CACNA2D2: variants seen among roughly 807,000 people sequenced by gnomAD.
The protein encoded by CACNA2D2 is voltage-dependent calcium channel subunit alpha-2/delta-2.
In CACNA2D2, 48 loss-of-function variants were observed where a neutral mutation model predicts 166.4. The ratio of observed to expected loss-of-function variants is 0.29; its 90% CI spans 0.23 to 0.37. CACNA2D2 has a LOEUF of 0.37. Among genes scored for constraint, CACNA2D2 ranks in the 10% least tolerant of loss-of-function variants. CACNA2D2 has a pLI of 1.00. For missense variants in CACNA2D2, 1,122 were observed against 1,433.0 expected (o/e 0.78, Z 3.50); for synonymous variants, 561 against 573.7 (o/e 0.98, Z 0.32).
chr3:50,403,080 G>C (rs958629933), intron 3 of CACNA2D2, among the ~76,000 whole-genome samples: 2 of 152,170 alleles, frequency 1.3e-5, no homozygotes, highest in African/African-American at 2.4e-5. Context: ...CAAGTTCCTA[G>C]GGCTTGGCAA....
chr3:50,441,216 TAGG>T (rs1472394278), intron 2 of CACNA2D2, among the ~76,000 whole-genome samples: 1 of 152,018 alleles, frequency 6.6e-6, no homozygotes, highest in Admixed American at 6.5e-5. Context: ...AGGCAACTTC[TAGG>T]AGCTTTCACC....
chr3:50,470,247 G>T (rs977585900), intron 2 of CACNA2D2, among the ~76,000 whole-genome samples: 1 of 152,242 alleles, frequency 6.6e-6, no homozygotes, highest in Non-Finnish European at 1.5e-5. Context: ...ATTCCAGGGG[G>T]CAGGAAGAGA....
At chr3:50,381,619 A>T (rs1362483975) in intron 6 of CACNA2D2, among the ~76,000 whole-genome samples, 1 of 150,616 alleles carries the variant, frequency 6.6e-6, no homozygotes, top group Non-Finnish European at 1.5e-5. Context: ...CTCCATGATT[A>T]ATCAACTGGG....
In CACNA2D2 at chr3:50,475,774, C is replaced by T. The variant is rs371690493; in HGVS notation, c.288+344G>A. 5.3e-5 allele frequency among the ~76,000 whole-genome samples: 8 copies of T among 152,284 alleles called. No individual in the cohort carries two copies. In the East Asian group the frequency reaches 1.4e-3, roughly 26 times the overall value. On this transcript the variant is annotated intron_variant, in intron 2 of 37. Transcript: ENST00000424201. ...CCTGGATCCCTTCAGCTCCTGTGCA[C>T]CCCTGCGTCCACTGACCCCTCCTGG...
At chr3:50,417,602 T>C (rs1254346740) in intron 3 of CACNA2D2, among the ~76,000 whole-genome samples, 4 of 152,100 alleles carry the variant, frequency 2.6e-5, no homozygotes, top group Non-Finnish European at 5.9e-5. Flanking sequence ...GGTGGGTAGG[T>C]GGGGCGCAGG....
At position 50,364,734 on chromosome 3, in the gene CACNA2D2, G is replaced by C. The variant is rs1457876510; in HGVS notation, c.3364C>G (p.Leu1122Val). Residue 1122 changes from leucine to valine, a missense_variant, in exon 38 of 38, where the codon CTG (leucine) becomes GTG (valine). Transcript: ENST00000424201. ...CGGGGCGGCAGGCCCAGGAGGAGCA[G>C]CAGTTGCAGGGAGACCAGGACGCCC... ...SLGVLVSLQL[L>V]LLLGLPPRPQ... 1 of 1,559,254 alleles carries C rather than the reference G, an allele frequency of 6.4e-7. No homozygotes were observed. The highest frequency in any genetic ancestry group is 1.4e-5 in the African/African-American group (1 of 73,180).
chr3:50,366,922 T>G lies in CACNA2D2; in HGVS notation c.2501-3A>C. 1 of 1,613,658 alleles carries G rather than the reference T, an allele frequency of 6.2e-7. No individual in the cohort carries two copies. The highest frequency in any genetic ancestry group is 8.5e-7 in the Non-Finnish European group (1 of 1,179,968). On this transcript the variant is annotated splice_region_variant and splice_polypyrimidine_tract_variant and intron_variant, in intron 28 of 37. Transcript: ENST00000424201. This position sits in a 1 kb window ranked among gnomAD's most constrained non-coding sequence, Gnocchi z 5.9. ...TAGGTCCAGCTTGACGCCCACCACT[T>G]TGGGGGAGAGCAAGGGACCATCAGT...
intron 4 of CACNA2D2, among the ~76,000 whole-genome samples, chr3:50,393,445 C>T (rs1431605482): frequency 2.0e-5 from 3 of 152,266 alleles, no homozygotes; most frequent in Non-Finnish European, 4.4e-5. Flanking sequence ...GGCCGGTATC[C>T]AGCCCCAGGC....
At chr3:50,417,098 G>C (rs1707301125) in intron 3 of CACNA2D2, among the ~76,000 whole-genome samples, 1 of 152,156 alleles carries the variant, frequency 6.6e-6, no homozygotes, top group African/African-American at 2.4e-5. Context: ...GCCCACATGA[G>C]AGCCTGTGAG....
chr3:50,366,221 G>A lies in CACNA2D2; in HGVS notation c.2709+46C>T. 1.2e-6 allele frequency: 2 copies of A among 1,613,966 alleles called. No homozygotes were observed. The highest frequency in any genetic ancestry group is 1.7e-6 in the Non-Finnish European group (2 of 1,179,890). On this transcript the variant is annotated intron_variant, in intron 31 of 37. Coordinates refer to ENST00000424201, the MANE Select transcript of CACNA2D2 (RefSeq NM_006030.4). The surrounding 1 kb of genome is among the most constrained non-coding windows in gnomAD (Gnocchi z 5.9). ...GGCTGGCAGTGCTACACCCCTAGAAGGCTCAAATCCCTACTCTCTTCTTTC... is the reference window on the plus strand; with the variant it reads ...GGCTGGCAGTGCTACACCCCTAGAAAGCTCAAATCCCTACTCTCTTCTTTC...
rs587608445 is a variant in CACNA2D2 at position 50,380,530 on chromosome 3, T to G, written c.842+218A>C. ...TCCCTTCCAATCTCTCAGTCCTGAG[T>G]GGGTGGGGGTGCTGGGCAGTGGACG... On this transcript the variant is annotated intron_variant, in intron 8 of 37. Coordinates refer to ENST00000424201, the MANE Select transcript of CACNA2D2 (RefSeq NM_006030.4). The surrounding 1 kb of genome is among the most constrained non-coding windows in gnomAD (Gnocchi z 4.9). Among the ~76,000 whole-genome samples the G allele has an allele frequency of 6.6e-6, 1 of 150,864 alleles. No homozygotes were observed. Among genetic ancestry groups the G allele is most frequent in the East Asian group, 2.0e-4 (1 of 5,128 alleles).
chr3:50,363,424 T>C lies in CACNA2D2; in HGVS notation c.*1242A>G. ...CAGGCTGGGATGCCTTTGGGGGAAA[T>C]GACCAGAATGAATGGTGTGAAGAGC... On this transcript the variant is annotated 3_prime_UTR_variant, in exon 38 of 38. Coordinates refer to ENST00000424201, the MANE Select transcript of CACNA2D2 (RefSeq NM_006030.4). The C allele has an allele frequency of 2.5e-6, 1 of 396,568 alleles. No homozygotes were observed. Among genetic ancestry groups the C allele is most frequent in the Non-Finnish European group, 4.4e-6 (1 of 225,412 alleles). The allele number at this position is 396,568 out of a possible 1,614,324, so 24.6% of individuals were successfully genotyped here.
intron 3 of CACNA2D2, among the ~76,000 whole-genome samples, chr3:50,403,011 G>C (rs1037885551): frequency 6.6e-6 from 1 of 152,160 alleles, no homozygotes; most frequent in Admixed American, 6.5e-5. Context: ...GGGCACGGGG[G>C]TGGTCGTTGA....
intron 3 of CACNA2D2, among the ~76,000 whole-genome samples, chr3:50,429,158 A>G (rs1458023812): frequency 6.6e-6 from 1 of 152,082 alleles, no homozygotes; most frequent in Non-Finnish European, 1.5e-5. Context: ...TGAACTTCGG[A>G]GGCAGAGGTT....
intron 2 of CACNA2D2, among the ~76,000 whole-genome samples, chr3:50,445,567 T>A (rs1210115975): frequency 1.3e-5 from 2 of 152,208 alleles, no homozygotes; most frequent in African/African-American, 4.8e-5. Context: ...CCTTAAGTCT[T>A]CTGTAGAACA....
At position 50,374,996 on chromosome 3, in the gene CACNA2D2, C is replaced by A. The variant is rs587727863; in HGVS notation, c.1908-183G>T. On this transcript the variant is annotated intron_variant, in intron 21 of 37. Transcript: ENST00000424201. ...TCTAGGGGCCGGCACCCTGGAGGCTCTCCACTTCTCAAACTCTCCTGGGGG... is the reference window on the plus strand; with the variant it reads ...TCTAGGGGCCGGCACCCTGGAGGCTATCCACTTCTCAAACTCTCCTGGGGG... Among the ~76,000 whole-genome samples the A allele has an allele frequency of 3.3e-5, 5 of 152,232 alleles. No homozygotes were observed. In the South Asian group the frequency reaches 1.0e-3, roughly 32 times the overall value.
chr3:50,396,650 A>G (rs1706170513), intron 3 of CACNA2D2, among the ~76,000 whole-genome samples: 1 of 152,162 alleles, frequency 6.6e-6, no homozygotes, highest in African/African-American at 2.4e-5. Context: ...CACCAGTGTT[A>G]GGCGAGCACC....
chr3:50,362,696 C>T lies in CACNA2D2; in HGVS notation c.*1970G>A, dbSNP rs1168682316. The T allele has an allele frequency of 6.4e-6, 1 of 155,802 alleles. No individual in the cohort carries two copies. The highest frequency in any genetic ancestry group is 6.5e-5 in the Admixed American group (1 of 15,374). The allele number at this position is 155,802 out of a possible 1,614,324, so 9.7% of individuals were successfully genotyped here. A position where few individuals can be genotyped will look rare whatever the true frequency, so the allele number is the denominator to read the frequency against. On this transcript the variant is annotated 3_prime_UTR_variant, in exon 38 of 38. Transcript: ENST00000424201. ...TGACAGGGACCTGGGCTACCATGGT[C>T]TTCACCCCCTGCAGAGCACTAAGTG...
intron 2 of CACNA2D2, among the ~76,000 whole-genome samples, chr3:50,435,470 T>C (rs1708273529): frequency 6.6e-6 from 1 of 151,380 alleles, no homozygotes; most frequent in African/African-American, 2.4e-5. Flanking sequence ...GACTGAGCCG[T>C]GCCACCAGGC....
Sources: gnomAD v4.1 joint callset for allele counts (sites outside exome capture counted in the v4.1 genomes callset) on GRCh38, gnomAD v4.1.1 for gene constraint, Gnocchi (gnomAD v3.1) non-coding constraint, MANE v1.5 for transcripts, NCBI Gene and HGNC (gene_info 2026-07-23, HGNC 2026-07-21) for gene names.